Variants in ZNF705G observed in about 807,000 individuals in gnomAD.
ZNF705G encodes the protein putative zinc finger protein 705G.
A neutral mutation model predicts 19.6 loss-of-function variants in ZNF705G; 23 were observed. That is an observed-to-expected ratio of 1.17 (90% CI 0.84 to 1.66). The LOEUF (loss-of-function observed/expected upper bound fraction) is 1.66. Ranked by LOEUF, ZNF705G falls within the 40% of genes most tolerant of loss-of-function variation. The probability of loss-of-function intolerance (pLI) is 0.00; values close to 1 mark genes in which losing one functional copy is unlikely to be tolerated. For synonymous variants in ZNF705G, 146 were observed against 117.7 expected (o/e 1.24, Z -1.56); for missense variants, 457 against 354.4 (o/e 1.29, Z -2.32).
chr8:7,376,788 C>T (rs1807257701), intron 2 of ZNF705G, among the ~76,000 whole-genome samples: 1 of 150,002 alleles, frequency 6.7e-6, no homozygotes, highest in African/African-American at 2.5e-5. Flanking sequence ...GGAAAAATAT[C>T]CTCTCTAACA....
At position 7,355,655 on chromosome 8, in the gene ZNF705G, A is replaced by G. The variant is rs1441817960; in HGVS notation, c.*2321T>C. 7 of 149,806 alleles carry G rather than the reference A, an allele frequency of 4.7e-5. No individual in the cohort carries two copies. The highest frequency in any genetic ancestry group is 1.5e-5 in the Non-Finnish European group (1 of 68,020). The allele number at this position is 149,806 out of a possible 1,614,324, so 9.3% of individuals were successfully genotyped here. On this transcript the variant is annotated 3_prime_UTR_variant, in exon 7 of 7. Transcript: ENST00000400156. ...AAGCATTCTGTGTTACGCTTTAATA[A>G]TGGCTGGAGATCTGCCACCATGCAT...
Position 7,360,224 on chromosome 8 carries a change from C to A in ZNF705G, c.235+13G>T. 6.3e-7 allele frequency: 1 copy of A among 1,591,682 alleles called. No homozygotes were observed. The highest frequency in any genetic ancestry group is 1.1e-5 in the South Asian group (1 of 90,680). On this transcript the variant is annotated intron_variant, in intron 5 of 6. Coordinates refer to ENST00000400156, the MANE Select transcript of ZNF705G (RefSeq NM_001164457.3). Reference sequence around the variant, plus strand: ...CACCTCCTCCTATTAGAGCACAGGACCCTGTTGCTTACTTGGATTCTGGTC... The same window carrying A: ...CACCTCCTCCTATTAGAGCACAGGAACCTGTTGCTTACTTGGATTCTGGTC...
At position 7,358,282 on chromosome 8, in the gene ZNF705G, T is replaced by G; in HGVS notation, c.597A>C (p.Pro199=). ...RHKMTHTGER[P]YACHLCRKAF... ...CTTTTCTACATAGATGACATGCATA[T>G]GGCCTCTCTCCAGTGTGAGTCATCT... Residue 199 remains proline, a synonymous_variant, in exon 7 of 7, where the codon CCA becomes CCC. Coordinates refer to ENST00000400156, the MANE Select transcript of ZNF705G (RefSeq NM_001164457.3). The G allele has an allele frequency of 6.2e-7, 1 of 1,607,742 alleles. No individual in the cohort carries two copies.
intron 2 of ZNF705G, among the ~76,000 whole-genome samples, chr8:7,370,218 C>T (rs2128842407): frequency 6.8e-6 from 1 of 147,744 alleles, no homozygotes; most frequent in East Asian, 1.9e-4. Context: ...TTGCAGCAAG[C>T]CGAGATCACG....
chr8:7,362,693 A>G lies in ZNF705G; in HGVS notation c.12+242T>C, dbSNP rs531636298. Reference sequence around the variant, plus strand: ...TAGTGTAATATTAGAAATTATATTGATAATTTCGGAGTCTTTGACACACGA... The same window carrying G: ...TAGTGTAATATTAGAAATTATATTGGTAATTTCGGAGTCTTTGACACACGA... On this transcript the variant is annotated intron_variant, in intron 3 of 6. Transcript: ENST00000400156. Among the ~76,000 whole-genome samples the G allele has an allele frequency of 1.9e-3, 285 of 149,624 alleles. 30 individuals are homozygous for G. The highest frequency in any genetic ancestry group is 6.9e-3 in the African/African-American group (269 of 39,040).
chr8:7,385,158 A>G (rs1342991042), intron 1 of ZNF705G, among the ~76,000 whole-genome samples: 2 of 148,218 alleles, frequency 1.3e-5, no homozygotes, highest in South Asian at 2.1e-4. Context: ...TTCCCTAACA[A>G]AGGGGGAAAG....
At chr8:7,382,974 T>G (rs1460864192) in intron 1 of ZNF705G, among the ~76,000 whole-genome samples, 1 of 147,746 alleles carries the variant, frequency 6.8e-6, no homozygotes, top group Non-Finnish European at 1.5e-5. Flanking sequence ...ATCATATCAC[T>G]CTGTATGCCT....
intron 3 of ZNF705G, among the ~76,000 whole-genome samples, chr8:7,362,409 G>T (rs536104438): frequency 1.3e-5 from 2 of 149,578 alleles, no homozygotes; most frequent in African/African-American, 5.1e-5. Flanking sequence ...CACAGCTCTT[G>T]TCCAAGTCCT....
intron 1 of ZNF705G, among the ~76,000 whole-genome samples, chr8:7,382,366 T>C (rs1807536719): frequency 6.8e-6 from 1 of 147,030 alleles, no homozygotes; most frequent in Admixed American, 6.6e-5. Context: ...TTGCATTTTC[T>C]GGTGGATTTT....
At position 7,375,661 on chromosome 8, in the gene ZNF705G, C is replaced by G. The variant is rs1257830927; in HGVS notation, c.-72+5791G>C. Among the ~76,000 whole-genome samples, 13 of 94,492 alleles carry G rather than the reference C, an allele frequency of 1.4e-4. 4 individuals carry two copies. Among genetic ancestry groups the G allele is most frequent in the Non-Finnish European group, 2.7e-4 (13 of 48,140 alleles). The allele number at this position is 94,492 out of a possible 152,430, so 62.0% of individuals were successfully genotyped here. On this transcript the variant is annotated intron_variant, in intron 2 of 6. Coordinates refer to ENST00000400156, the MANE Select transcript of ZNF705G (RefSeq NM_001164457.3). ...AATAGTACACATGATTCAAAGACCT[C>G]TGAACCGAGAGTAACAACAAATTTC...
chr8:7,367,759 T>A (rs1411784400), intron 2 of ZNF705G, among the ~76,000 whole-genome samples: 3 of 149,698 alleles, frequency 2.0e-5, no homozygotes, highest in African/African-American at 7.7e-5. Context: ...CTCTGAAACT[T>A]ACCGCTCAGT....
intron 1 of ZNF705G, among the ~76,000 whole-genome samples, chr8:7,382,595 A>T (rs1230610416): frequency 6.8e-6 from 1 of 146,352 alleles, no homozygotes; most frequent in Non-Finnish European, 1.5e-5. Flanking sequence ...ATGCCAGACC[A>T]TGTAAGGGCA....
intron 2 of ZNF705G, among the ~76,000 whole-genome samples, chr8:7,380,391 A>G (rs539655804): frequency 2.0e-5 from 3 of 147,682 alleles, no homozygotes; most frequent in South Asian, 2.1e-4. Context: ...TGAACTGAGT[A>G]TGAGCCCACC....
At position 7,356,649 on chromosome 8, in the gene ZNF705G, T is replaced by C. The variant is rs539542835; in HGVS notation, c.*1327A>G. 651 of 149,208 alleles carry C rather than the reference T, an allele frequency of 4.4e-3. 79 individuals carry two copies. Among genetic ancestry groups the C allele is most frequent in the African/African-American group, 0.015 (598 of 38,704 alleles). The allele number at this position is 149,208 out of a possible 1,614,324, so 9.2% of individuals were successfully genotyped here. On this transcript the variant is annotated 3_prime_UTR_variant, in exon 7 of 7. Transcript: ENST00000400156. ...TAGTGGACGTTGAAGTAAAGGGAGG[T>C]GAGCTGTGAGGAAAGAGCTGTTGAA...
rs1287737583 is a variant in ZNF705G at position 7,384,106 on chromosome 8, T to C, written c.-222+1392A>G. ...ATGTAAGCTGTGGTCTTTGCAAAAA[T>C]AGAGACAATTTTTTTTTTGTACCTA... On this transcript the variant is annotated intron_variant, in intron 1 of 6. Coordinates refer to ENST00000400156, the MANE Select transcript of ZNF705G (RefSeq NM_001164457.3). Among the ~76,000 whole-genome samples the C allele has an allele frequency of 1.3e-4, 7 of 55,940 alleles. 1 individual carries two copies. Among genetic ancestry groups the C allele is most frequent in the African/African-American group, 2.0e-4 (3 of 14,862 alleles). The allele number at this position is 55,940 out of a possible 152,430, so 36.7% of individuals were successfully genotyped here.
In ZNF705G at chr8:7,357,559, A is replaced by G; in HGVS notation, c.*417T>C. The G allele has an allele frequency of 4.1e-6, 1 of 244,868 alleles. No individual in the cohort carries two copies. Among genetic ancestry groups the G allele is most frequent in the Non-Finnish European group, 7.6e-6 (1 of 131,586 alleles). 15.2% of individuals were successfully genotyped at this position (244,868 alleles called of 1,614,324 possible). A position where few individuals can be genotyped will look rare whatever the true frequency, so the allele number is the denominator to read the frequency against. ...ATGTTTTAAGTTATAGCTGTTGCTG[A>G]AGACTTTTAGTTGATTATATTGACA... On this transcript the variant is annotated 3_prime_UTR_variant, in exon 7 of 7. Coordinates refer to ENST00000400156, the MANE Select transcript of ZNF705G (RefSeq NM_001164457.3).
rs1806210848 is a variant in ZNF705G, at chr8:7,356,019, C to A, written c.*1957G>T. The stretch of plus-strand genomic sequence containing the variant: ...TAAGGCCGATCGTATTAAGATTGTG[C>A]CTGTTTGGCAAAATTTCAAGTCATC... On this transcript the variant is annotated 3_prime_UTR_variant, in exon 7 of 7. Coordinates refer to ENST00000400156, the MANE Select transcript of ZNF705G (RefSeq NM_001164457.3). The A allele has an allele frequency of 6.7e-6, 1 of 149,450 alleles. No individual in the cohort carries two copies. Among genetic ancestry groups the A allele is most frequent in the African/African-American group, 2.6e-5 (1 of 38,850 alleles). The allele number at this position is 149,450 out of a possible 1,614,324, so 9.3% of individuals were successfully genotyped here. A position where few individuals can be genotyped will look rare whatever the true frequency, so the allele number is the denominator to read the frequency against.
chr8:7,368,304 C>T (rs374581177), intron 2 of ZNF705G, among the ~76,000 whole-genome samples: 2 of 149,348 alleles, frequency 1.3e-5, no homozygotes, highest in East Asian at 3.9e-4. Flanking sequence ...ACATTAATTC[C>T]TTTTTTTAAT....
At chr8:7,363,658 T>C (rs1240166287) in intron 2 of ZNF705G, among the ~76,000 whole-genome samples, 2 of 149,246 alleles carry the variant, frequency 1.3e-5, no homozygotes, top group Non-Finnish European at 2.9e-5. Context: ...CCGTCTGTAG[T>C]AAAAATACAA....
Sources: gnomAD v4.1 joint callset for allele counts (sites outside exome capture counted in the v4.1 genomes callset) on GRCh38, gnomAD v4.1.1 for gene constraint, MANE v1.5 for transcripts, NCBI Gene and HGNC (gene_info 2026-07-23, HGNC 2026-07-21) for gene names.